Variants in ATP6V1C2 observed in about 807,000 individuals in gnomAD.
ATP6V1C2 encodes V-type proton ATPase subunit C 2.
A neutral mutation model predicts 56.8 loss-of-function variants in ATP6V1C2; 45 were observed. The observed-to-expected ratio is 0.79, with a 90% CI of 0.62 to 1.02. ATP6V1C2 has a LOEUF of 1.02. ATP6V1C2 is among the 50% of genes least tolerant of loss of function. The pLI is 0.00. For missense variants in ATP6V1C2, 463 were observed against 519.7 expected (o/e 0.89, Z 1.06); for synonymous variants, 220 against 201.3 (o/e 1.09, Z -0.79).
At chr2:10,770,494 G>A (rs1470120975) in intron 6 of ATP6V1C2, among the ~76,000 whole-genome samples, 1 of 152,250 alleles carries the variant, frequency 6.6e-6, no homozygotes, top group Non-Finnish European at 1.5e-5. Context: ...GATGGGACAG[G>A]GGCCGGGCGC....
intron 3 of ATP6V1C2, among the ~76,000 whole-genome samples, chr2:10,729,839 A>G (rs1177749574): frequency 1.3e-5 from 2 of 152,172 alleles, no homozygotes; most frequent in African/African-American, 4.8e-5. Flanking sequence ...TGGATGACAG[A>G]TTGAGACCCT....
intron 10 of ATP6V1C2, among the ~76,000 whole-genome samples, chr2:10,776,133 C>T (rs769530183): frequency 8.5e-5 from 13 of 152,148 alleles, no homozygotes; most frequent in Non-Finnish European, 1.5e-4. Context: ...ACGGAGCCCC[C>T]GTAGTGGGGT....
intron 2 of ATP6V1C2, among the ~76,000 whole-genome samples, chr2:10,724,968 T>A (rs182211159): frequency 2.7e-5 from 4 of 150,920 alleles, no homozygotes; most frequent in Admixed American, 1.3e-4. Context: ...TTTTTCTTAA[T>A]TTTTTTTTTC....
intron 3 of ATP6V1C2, among the ~76,000 whole-genome samples, chr2:10,752,219 C>T (rs763835684): frequency 6.6e-6 from 1 of 152,094 alleles, no homozygotes; most frequent in Admixed American, 6.6e-5. Flanking sequence ...TGTATTTTTC[C>T]ATTCTTGACC....
chr2:10,754,674 G>T (rs1272607017), intron 4 of ATP6V1C2, among the ~76,000 whole-genome samples: 2 of 151,938 alleles, frequency 1.3e-5, no homozygotes, highest in South Asian at 4.1e-4. Context: ...CTGGGTTCAC[G>T]CCATTCTCCA....
chr2:10,759,363 C>A (rs1367300193), intron 4 of ATP6V1C2, among the ~76,000 whole-genome samples: 1 of 152,218 alleles, frequency 6.6e-6, no homozygotes, highest in Non-Finnish European at 1.5e-5. Flanking sequence ...CCACAGAAGA[C>A]AGAAACCCTC....
chr2:10,780,379 T>C lies in ATP6V1C2; in HGVS notation c.1061+1710T>C, dbSNP rs1373051564. On this transcript the variant is annotated intron_variant, in intron 12 of 13. Transcript: ENST00000272238. This position sits in a 1 kb window ranked among gnomAD's most constrained non-coding sequence, Gnocchi z 4.1. ...TTGCCATAAGCCTCCTCTCTGTTCT[T>C]GGCCTCCAATTCCCCTTCCATGTGG... Among the ~76,000 whole-genome samples the C allele has an allele frequency of 2.6e-5, 4 of 152,224 alleles. No individual in the cohort carries two copies. Among genetic ancestry groups the C allele is most frequent in the Non-Finnish European group, 5.9e-5 (4 of 68,048 alleles).
intron 5 of ATP6V1C2, among the ~76,000 whole-genome samples, chr2:10,767,602 C>T (rs1207945377): frequency 6.6e-6 from 1 of 152,124 alleles, no homozygotes. Flanking sequence ...GGATTACAGG[C>T]ATCCACCACC....
At chr2:10,750,391 C>T (rs754732299) in intron 3 of ATP6V1C2, among the ~76,000 whole-genome samples, 29 of 151,926 alleles carry the variant, frequency 1.9e-4, no homozygotes, top group Non-Finnish European at 3.4e-4. Context: ...GTGACGGGTG[C>T]CTGTAGTCCA....
chr2:10,762,953 G>C (rs1664011591), intron 4 of ATP6V1C2, among the ~76,000 whole-genome samples: 1 of 152,142 alleles, frequency 6.6e-6, no homozygotes. Context: ...GACTCCCCCA[G>C]AGTGTGTGAG....
At chr2:10,775,656 G>A (rs1664917506) in intron 10 of ATP6V1C2, among the ~76,000 whole-genome samples, 1 of 151,886 alleles carries the variant, frequency 6.6e-6, no homozygotes, top group Non-Finnish European at 1.5e-5. Flanking sequence ...TCACCAGGGA[G>A]CAAAACTAGA....
rs377138517 is a variant in ATP6V1C2 at position 10,731,938 on chromosome 2, A to G, written c.197+5369A>G. ...CAGTGAGCAGAGATCACACCACTGC[A>G]CTCCAGCCTGGGCAACAGAGTGAGA... On this transcript the variant is annotated intron_variant, in intron 3 of 13. Coordinates refer to ENST00000272238, the MANE Select transcript of ATP6V1C2 (RefSeq NM_001039362.2). Among the ~76,000 whole-genome samples the G allele has an allele frequency of 4.6e-5, 7 of 151,960 alleles. No homozygotes were observed. In the East Asian group the frequency reaches 7.7e-4, roughly 17 times the overall value.
chr2:10,748,774 A>C (rs1663053054), intron 3 of ATP6V1C2, among the ~76,000 whole-genome samples: 1 of 152,036 alleles, frequency 6.6e-6, no homozygotes, highest in Non-Finnish European at 1.5e-5. Flanking sequence ...TAGCTCTCTG[A>C]GTCTTAATTT....
At chr2:10,775,938 G>A (rs1171221459) in intron 10 of ATP6V1C2, among the ~76,000 whole-genome samples, 3 of 152,176 alleles carry the variant, frequency 2.0e-5, no homozygotes, top group East Asian at 1.9e-4. Context: ...AAGTCACTGT[G>A]TGAACACAGC....
Position 10,762,291 on chromosome 2 carries a change from G to C in ATP6V1C2, c.284-2040G>C, listed in dbSNP as rs147250177. 4.6e-3 allele frequency among the ~76,000 whole-genome samples: 701 copies of C among 151,988 alleles called. 9 individuals are homozygous for C. The highest frequency in any genetic ancestry group is 0.016 in the African/African-American group (673 of 41,450). On this transcript the variant is annotated intron_variant, in intron 4 of 13. Coordinates refer to ENST00000272238, the MANE Select transcript of ATP6V1C2 (RefSeq NM_001039362.2). ...CTCCCCAGTAGCTGGAACTACGGGC[G>C]TGTGCCACCATGCCCAGCTAATTCT...
intron 2 of ATP6V1C2, among the ~76,000 whole-genome samples, chr2:10,724,137 A>G (rs1028658130): frequency 1.3e-5 from 2 of 152,178 alleles, no homozygotes; most frequent in Non-Finnish European, 2.9e-5. Flanking sequence ...CGGGGAAGAC[A>G]CTACAGCTTT....
intron 5 of ATP6V1C2, among the ~76,000 whole-genome samples, chr2:10,768,492 G>C (rs188710350): frequency 6.6e-6 from 1 of 152,222 alleles, no homozygotes; most frequent in Admixed American, 6.5e-5. Flanking sequence ...ATCAGGAAAG[G>C]TTGGGCTCAC....
In ATP6V1C2 at chr2:10,780,736, C is replaced by T. The variant is rs1016854494; in HGVS notation, c.1062-1507C>T. ...AAGAGGTTGAGACCGATGGGCCAGC[C>T]GCTCCTGGGGTCCTTTTTTTTTTTT... On this transcript the variant is annotated intron_variant, in intron 12 of 13. Transcript: ENST00000272238. The surrounding 1 kb of genome is among the most constrained non-coding windows in gnomAD (Gnocchi z 4.1). Among the ~76,000 whole-genome samples the T allele has an allele frequency of 3.3e-5, 5 of 150,346 alleles. No individual in the cohort carries two copies. The highest frequency in any genetic ancestry group is 7.4e-5 in the Non-Finnish European group (5 of 67,784).
chr2:10,749,492 G>A (rs1398595857), intron 3 of ATP6V1C2, among the ~76,000 whole-genome samples: 2 of 152,222 alleles, frequency 1.3e-5, no homozygotes, highest in East Asian at 1.9e-4. Context: ...AAGCAACAAC[G>A]AGATATAATT....
Sources: allele counts gnomAD v4.1 joint callset (sites outside exome capture counted in the v4.1 genomes callset), GRCh38; gene constraint gnomAD v4.1.1; non-coding constraint Gnocchi (gnomAD v3.1); transcripts MANE v1.5; gene names NCBI Gene and HGNC (gene_info 2026-07-23, HGNC 2026-07-21).